HTR2C: variants seen among roughly 807,000 people sequenced by gnomAD.
HTR2C encodes 5-hydroxytryptamine (serotonin) receptor 2C, G protein-coupled.
A neutral mutation model predicts 21.0 loss-of-function variants in HTR2C; 5 were observed. The ratio of observed to expected loss-of-function variants is 0.24; its 90% CI spans 0.12 to 0.50. HTR2C has a LOEUF of 0.50. Among genes scored for constraint, HTR2C ranks in the 20% least tolerant of loss-of-function variants. The pLI is 0.98. For synonymous variants in HTR2C, 150 were observed against 145.3 expected (o/e 1.03, Z -0.23); for missense variants, 271 against 371.2 (o/e 0.73, Z 2.22).
chrX:114,601,981 T>C (rs781784478), intron 1 of HTR2C, among the ~76,000 whole-genome samples: 2,441 of 101,254 alleles, frequency 0.024, 98 homozygotes, highest in African/African-American at 0.086. Context: ...GGCCTGGATA[T>C]GGTTTTGGAT....
intron 4 of HTR2C, among the ~76,000 whole-genome samples, chrX:114,784,647 T>C (rs1387757628): frequency 9.3e-6 from 1 of 107,279 alleles, no homozygotes; most frequent in African/African-American, 3.4e-5. Context: ...TTTTTTTTTT[T>C]CTCGCTCTGT....
chrX:114,707,114 C>G (rs1166321513), intron 2 of HTR2C, among the ~76,000 whole-genome samples: 2 of 111,441 alleles, frequency 1.8e-5, no homozygotes, highest in Non-Finnish European at 3.8e-5. Context: ...CAACTGAGAA[C>G]AAAATTCTAA....
chrX:114,659,301 C>A (rs1930900029), intron 2 of HTR2C, among the ~76,000 whole-genome samples: 1 of 111,139 alleles, frequency 9.0e-6, no homozygotes, highest in Non-Finnish European at 1.9e-5. Flanking sequence ...ATATCAATTA[C>A]AAAGAGGCTA....
chrX:114,848,020 C>T lies in HTR2C; in HGVS notation c.367C>T (p.Pro123Ser). 2.5e-6 allele frequency: 3 copies of T among 1,206,045 alleles called. No homozygotes were observed. The highest frequency in any genetic ancestry group is 3.4e-6 in the Non-Finnish European group (3 of 890,458). ...TCTTTCAGATTATGTCTGGCCACTA[C>T]CTAGATATTTGTGCCCCGTCTGGAT... Reference protein sequence around the residue: ...AILYDYVWPLPRYLCPVWISL... With the variant: ...AILYDYVWPLSRYLCPVWISL... The change falls in exon 5 of 6, where the codon CCT becomes TCT. Residue 123 changes from proline to serine, a missense_variant. By Grantham distance (74) the Pro-to-Ser change is moderately conservative (BLOSUM62 -1). This residue lies in a region of HTR2C where 16 missense variants were observed against 19.2 expected (regional missense o/e 0.83). Transcript: ENST00000276198.
chrX:114,585,096 A>G (rs1330461532), intron 1 of HTR2C, among the ~76,000 whole-genome samples: 5 of 110,210 alleles, frequency 4.5e-5, no homozygotes, highest in African/African-American at 1.7e-4. Flanking sequence ...AGGACCGACT[A>G]CAATTTTAAG....
intron 1 of HTR2C, among the ~76,000 whole-genome samples, chrX:114,597,098 A>T (rs1927886705): frequency 9.2e-6 from 1 of 108,515 alleles, no homozygotes; most frequent in Non-Finnish European, 1.9e-5. Flanking sequence ...TGTGCCTGTA[A>T]TCCCAGCTAT....
intron 4 of HTR2C, among the ~76,000 whole-genome samples, chrX:114,824,360 G>A (rs2070661075): frequency 9.0e-6 from 1 of 111,704 alleles, no homozygotes; most frequent in South Asian, 3.8e-4. Context: ...TTCTGGATTG[G>A]TACAGGAAGG....
intron 2 of HTR2C, among the ~76,000 whole-genome samples, chrX:114,719,455 G>A (rs1169946385): frequency 2.7e-5 from 3 of 110,885 alleles, no homozygotes; most frequent in Non-Finnish European, 5.7e-5. Flanking sequence ...TGGCCATTTG[G>A]GGAAACATGT....
At chrX:114,855,093 A>C (rs1020764081) in intron 5 of HTR2C, among the ~76,000 whole-genome samples, 3 of 111,480 alleles carry the variant, frequency 2.7e-5, no homozygotes, top group Non-Finnish European at 5.7e-5. Context: ...TATTGCAACA[A>C]TTTGCTGTGG....
At position 114,848,128 on chromosome X, in the gene HTR2C, C is replaced by T. The variant is rs782400565; in HGVS notation, c.475C>T (p.Pro159Ser). ...SLDRYVAIRN[P>S]IEHSRFNSRT... Reference sequence around the variant, plus strand: ...GGATCGGTATGTAGCAATACGTAATCCTATTGAGCATAGCCGTTTCAATTC... The same window carrying T: ...GGATCGGTATGTAGCAATACGTAATTCTATTGAGCATAGCCGTTTCAATTC... The change falls in exon 5 of 6, where the codon CCT becomes TCT. Residue 159 changes from proline to serine, a missense_variant. Physicochemically the swap from Pro to Ser is moderately conservative, Grantham distance 74. Around this residue, in one of 5 missense-constraint regions of HTR2C, gnomAD observed 192 missense variants for 247.2 expected, o/e 0.78. Transcript: ENST00000276198. 2 of 1,210,867 alleles carry T rather than the reference C, an allele frequency of 1.7e-6. No individual in the cohort carries two copies. Among genetic ancestry groups the T allele is most frequent in the Admixed American group, 4.3e-5 (2 of 45,985 alleles).
chrX:114,865,962 T>G (rs1274600135), intron 5 of HTR2C, among the ~76,000 whole-genome samples: 2 of 110,623 alleles, frequency 1.8e-5, no homozygotes, highest in African/African-American at 6.6e-5. Context: ...ATTACAGGCA[T>G]GCACCACAAC....
intron 2 of HTR2C, among the ~76,000 whole-genome samples, chrX:114,680,131 T>TTCATCTTTG (rs1289918584): frequency 8.9e-6 from 1 of 112,406 alleles, no homozygotes; most frequent in Non-Finnish European, 1.9e-5. Flanking sequence ...AGACAATAGT[T>TTCATCTTTG]AATTACCAGG....
chrX:114,738,817 T>A (rs2069616271), intron 4 of HTR2C, among the ~76,000 whole-genome samples: 2 of 104,546 alleles, frequency 1.9e-5, no homozygotes, highest in African/African-American at 7.0e-5. Context: ...TATATGTATA[T>A]ATACACACAC....
chrX:114,847,533 C>T (rs1602872853), intron 4 of HTR2C, among the ~76,000 whole-genome samples: 1 of 104,578 alleles, frequency 9.6e-6, no homozygotes, highest in African/African-American at 3.5e-5. Context: ...CACATGTATA[C>T]ATATGTAACT....
At chrX:114,737,048 T>C (rs2069596812) in intron 4 of HTR2C, among the ~76,000 whole-genome samples, 1 of 107,111 alleles carries the variant, frequency 9.3e-6, no homozygotes, top group Non-Finnish European at 1.9e-5. Flanking sequence ...AGTATATGAA[T>C]AAATTTCCAT....
At chrX:114,697,820 C>A (rs1340351416) in intron 2 of HTR2C, among the ~76,000 whole-genome samples, 9 of 112,283 alleles carry the variant, frequency 8.0e-5, no homozygotes, top group Non-Finnish European at 1.3e-4. Flanking sequence ...GCCAAAAAAA[C>A]CTAGTAGCTT....
At position 114,656,082 on chromosome X, in the gene HTR2C, G is replaced by A. The variant is rs186024170; in HGVS notation, c.-80+42201G>A. 1.0e-3 allele frequency among the ~76,000 whole-genome samples: 112 copies of A among 110,300 alleles called. 1 individual carries two copies. In the South Asian group the frequency reaches 0.013, roughly 13 times the overall value. On this transcript the variant is annotated intron_variant, in intron 2 of 5. Transcript: ENST00000276198. ...TCTTTTGGTGCCTTCTGTAAAACTG[G>A]GGACCATTGTCAATTAATTGATGGC...
chrX:114,647,780 G>A (rs1356816068), intron 2 of HTR2C, among the ~76,000 whole-genome samples: 1 of 112,131 alleles, frequency 8.9e-6, no homozygotes, highest in Non-Finnish European at 1.9e-5. Flanking sequence ...GCAGGACTCT[G>A]TGTAATGACT....
chrX:114,815,242 G>A (rs782693611), intron 4 of HTR2C, among the ~76,000 whole-genome samples: 1 of 109,644 alleles, frequency 9.1e-6, no homozygotes, highest in East Asian at 2.9e-4. Flanking sequence ...TGTTTAGAAG[G>A]GCTGAAGTGT....
Sources: gnomAD v4.1 joint callset for allele counts (sites outside exome capture counted in the v4.1 genomes callset) on GRCh38, gnomAD v4.1.1 for gene constraint, gnomAD v4.1.1 regional missense constraint, MANE v1.5 for transcripts, NCBI Gene and HGNC (gene_info 2026-07-23, HGNC 2026-07-21) for gene names.